FRK: variants seen among roughly 807,000 people sequenced by gnomAD.
FRK encodes the protein fyn related Src family tyrosine kinase.
A neutral mutation model predicts 56.4 loss-of-function variants in FRK; 51 were observed. The observed-to-expected ratio is 0.90, with a 90% CI of 0.72 to 1.14. The LOEUF (loss-of-function observed/expected upper bound fraction) is 1.14, where lower values mean the gene tolerates loss of function less well. Among genes scored for constraint, FRK ranks in the 50% most tolerant of loss-of-function variants. The pLI, the probability that FRK is intolerant of heterozygous loss-of-function variation, is 0.00. For synonymous variants in FRK, 245 were observed against 217.9 expected, an observed-to-expected ratio of 1.12 and a Z score of -1.10; for missense variants, 570 against 601.4, an observed-to-expected ratio of 0.95 and a Z score of 0.55.
intron 1 of FRK, among the ~76,000 whole-genome samples, chr6:116,021,613 T>C (rs1775875616): frequency 6.6e-6 from 1 of 152,244 alleles, no homozygotes; most frequent in East Asian, 1.9e-4. Context: ...CCATTGTATG[T>C]AATTAACTAA....
intron 1 of FRK, among the ~76,000 whole-genome samples, chr6:116,033,644 G>A (rs1043128415): frequency 1.3e-5 from 2 of 152,188 alleles, no homozygotes; most frequent in Admixed American, 6.6e-5. Flanking sequence ...TTAAGTCAGA[G>A]AAGTGATGGT....
In FRK at chr6:115,967,617, A is replaced by G. The variant is rs773252538; in HGVS notation, c.733T>C (p.Phe245Leu). The G allele has an allele frequency of 2.5e-6, 4 of 1,613,854 alleles. No homozygotes were observed. Among genetic ancestry groups the G allele is most frequent in the Middle Eastern group, 1.7e-4 (1 of 6,060 alleles). The change falls in exon 4 of 8, where the codon TTT becomes CTT. Residue 245 changes from phenylalanine to leucine, a missense_variant. By Grantham distance (22) the Phe-to-Leu change is conservative. Coordinates refer to ENST00000606080, the MANE Select transcript of FRK (RefSeq NM_002031.3). ...QLLKRLGSGQ[F>L]GEVWEGLWNN... ...CACAGACCTTCCCATACTTCGCCAA[A>G]CTGACCAGATCCCAATCGCTTCAGA...
chr6:116,000,201 C>T (rs1183133828), intron 2 of FRK, among the ~76,000 whole-genome samples: 1 of 128,228 alleles, frequency 7.8e-6, no homozygotes, highest in Non-Finnish European at 1.7e-5. Context: ...AGTTTGTTTT[C>T]CTCATGAAAA....
intron 6 of FRK, 142 bp from the exon 7 acceptor site, chr6:115,943,327 C>G (rs1582627293): frequency 1.7e-6 from 1 of 575,646 alleles, no homozygotes; most frequent in Admixed American, 3.6e-5. Flanking sequence ...ATTACAGTAG[C>G]AAATTCTGAA....
At position 115,953,770 on chromosome 6, in the gene FRK, C is replaced by T. The variant is rs893927044; in HGVS notation, c.958+2682G>A. The stretch of plus-strand genomic sequence containing the variant: ...CAAGAGTCTCAAAACAAGCTTGACT[C>T]CAAGTCCCAATCTTGTTAGGTTCAG... On this transcript the variant is annotated intron_variant, in intron 5 of 7. Transcript: ENST00000606080. Among the ~76,000 whole-genome samples, 30 of 152,190 alleles carry T rather than the reference C, an allele frequency of 2.0e-4. 1 individual carries two copies. Among genetic ancestry groups the T allele is most frequent in the Admixed American group, 5.2e-4 (8 of 15,276 alleles).
intron 2 of FRK, among the ~76,000 whole-genome samples, chr6:115,987,519 CGTT>C (rs1774438824): frequency 1.3e-5 from 2 of 152,158 alleles, no homozygotes; most frequent in South Asian, 2.1e-4. Flanking sequence ...TACTCTAACT[CGTT>C]ATTATTATAC....
intron 4 of FRK, 105 bp from the exon 5 acceptor site, chr6:115,956,715 T>G (rs1197656816): frequency 5.8e-6 from 5 of 862,906 alleles, no homozygotes; most frequent in Non-Finnish European, 8.6e-6. Flanking sequence ...CTCAGTAGAG[T>G]AAGAGCCTCA....
intron 1 of FRK, among the ~76,000 whole-genome samples, chr6:116,029,590 A>T (rs1328442838): frequency 6.6e-6 from 1 of 152,144 alleles, no homozygotes; most frequent in African/African-American, 2.4e-5. Context: ...CATCAATTTA[A>T]TTCAGTATTG....
chr6:115,931,342 A>G lies in FRK; in HGVS notation c.*11072T>C, dbSNP rs1443625724. The G allele has an allele frequency of 2.6e-5, 4 of 152,230 alleles. No homozygotes were observed. Among genetic ancestry groups the G allele is most frequent in the Non-Finnish European group, 5.9e-5 (4 of 68,034 alleles). 9.4% of individuals were successfully genotyped at this position (152,230 alleles called of 1,614,324 possible). A position where few individuals can be genotyped will look rare whatever the true frequency, so the allele number is the denominator to read the frequency against. Reference sequence around the variant, plus strand: ...CCATTGCCTTAATATTTTAAAGAATACAGAAATAAAAATGTTTAAAAATTG... The same window carrying G: ...CCATTGCCTTAATATTTTAAAGAATGCAGAAATAAAAATGTTTAAAAATTG... On this transcript the variant is annotated 3_prime_UTR_variant, in exon 8 of 8. Transcript: ENST00000606080.
At chr6:116,030,931 T>G (rs1388063073) in intron 1 of FRK, among the ~76,000 whole-genome samples, 1 of 152,106 alleles carries the variant, frequency 6.6e-6, no homozygotes, top group Non-Finnish European at 1.5e-5. Context: ...GCCCTTAAGC[T>G]GTGCAGTCAG....
rs1772088793 is a variant in FRK at position 115,938,417 on chromosome 6, T to TA, written c.*3996dup. On this transcript the variant is annotated 3_prime_UTR_variant, in exon 8 of 8. Transcript: ENST00000606080. ...ACCCTAATATCACAATTAAAAGTAC[T>TA]AGAGAAGCAAGAGCAAACAAATTCA... 1 of 152,172 alleles carries TA rather than the reference T, an allele frequency of 6.6e-6. No homozygotes were observed. The highest frequency in any genetic ancestry group is 2.1e-4 in the South Asian group (1 of 4,824). 9.4% of individuals were successfully genotyped at this position (152,172 alleles called of 1,614,324 possible).
the FRK span, among the ~76,000 whole-genome samples, chr6:116,094,094 G>A: frequency 6.6e-6 from 1 of 152,162 alleles, no homozygotes; most frequent in East Asian, 1.9e-4. Context: ...TCACCCAGTA[G>A]GGCTTGTTAC....
chr6:116,085,677 A>G, the FRK span, among the ~76,000 whole-genome samples: 21 of 152,024 alleles, frequency 1.4e-4, no homozygotes, highest in African/African-American at 5.1e-4. Context: ...TCCCCCCATC[A>G]CCACATGCAC....
chr6:116,021,847 T>C (rs1470407689), intron 1 of FRK, among the ~76,000 whole-genome samples: 1 of 151,626 alleles, frequency 6.6e-6, no homozygotes, highest in South Asian at 2.1e-4. Flanking sequence ...TAAAAAATGG[T>C]CAAAGGAAAA....
chr6:115,958,708 A>AAAGAAAGAAAGAAAGAAGG (rs1773160397), intron 4 of FRK, among the ~76,000 whole-genome samples: 3 of 12,362 alleles, frequency 2.4e-4, no homozygotes, highest in African/African-American at 9.9e-4. Context: ...AAGAAAGAAG[A>AAAGAAAGAAAGAAAGAAGG]AAGAAAGAAA....
Position 115,937,231 on chromosome 6 carries a change from T to G in FRK, c.*5183A>C, listed in dbSNP as rs1190612790. ...ATTTCATATCCAACCAAACTCAGTTTCATAAGCGAAGGAGAAATAAAATCC... is the reference window on the plus strand; with the variant it reads ...ATTTCATATCCAACCAAACTCAGTTGCATAAGCGAAGGAGAAATAAAATCC... On this transcript the variant is annotated 3_prime_UTR_variant, in exon 8 of 8. Transcript: ENST00000606080. 6.6e-6 allele frequency: 1 copy of G among 152,176 alleles called. No individual in the cohort carries two copies. Among genetic ancestry groups the G allele is most frequent in the Non-Finnish European group, 1.5e-5 (1 of 68,034 alleles). The allele number at this position is 152,176 out of a possible 1,614,324, so 9.4% of individuals were successfully genotyped here. A position where few individuals can be genotyped will look rare whatever the true frequency, so the allele number is the denominator to read the frequency against.
intron 4 of FRK, among the ~76,000 whole-genome samples, chr6:115,961,238 C>G (rs1293591926): frequency 9.1e-6 from 1 of 109,342 alleles, no homozygotes; most frequent in African/African-American, 3.6e-5. Context: ...TCGAGAACTA[C>G]GTGAAGAATG....
At chr6:115,999,793 T>C (rs1774983918) in intron 2 of FRK, among the ~76,000 whole-genome samples, 1 of 152,220 alleles carries the variant, frequency 6.6e-6, no homozygotes, top group Admixed American at 6.5e-5. Flanking sequence ...TGTGGATATA[T>C]TGAAAGTCCT....
At chr6:115,978,347 A>T (rs1774062055) in intron 2 of FRK, among the ~76,000 whole-genome samples, 1 of 152,186 alleles carries the variant, frequency 6.6e-6, no homozygotes, top group Admixed American at 6.6e-5. Flanking sequence ...GCCTCAAAAT[A>T]TAATAAAATT....
Sources: gnomAD v4.1 joint callset for allele counts (sites outside exome capture counted in the v4.1 genomes callset) on GRCh38, gnomAD v4.1.1 for gene constraint, MANE v1.5 for transcripts, NCBI Gene and HGNC (gene_info 2026-07-23, HGNC 2026-07-21) for gene names.